Variants in ASPH observed in about 807,000 individuals in gnomAD.
The protein encoded by ASPH is aspartate beta-hydroxylase.
In ASPH, 100 loss-of-function variants were observed where a neutral mutation model predicts 118.4. That is an observed-to-expected ratio of 0.84 (90% CI 0.72 to 1.00). The LOEUF (loss-of-function observed/expected upper bound fraction) is 1.00, where lower values mean the gene tolerates loss of function less well. Ranked by LOEUF, ASPH falls within the 50% of genes least tolerant of loss-of-function variation. The pLI, the probability that ASPH is intolerant of heterozygous loss-of-function variation, is 0.00. For synonymous variants in ASPH, 315 were observed against 325.6 expected (o/e 0.97, Z 0.35); for missense variants, 920 against 919.5 (o/e 1.00, Z -0.01).
intron 14 of ASPH, among the ~76,000 whole-genome samples, chr8:61,595,840 T>C (rs1041117569): frequency 1.3e-5 from 2 of 152,046 alleles, no homozygotes; most frequent in Non-Finnish European, 2.9e-5. Flanking sequence ...TTTACTGCCA[T>C]AGCTGTTGGC....
chr8:61,667,710 T>C (rs1820406154), intron 3 of ASPH, among the ~76,000 whole-genome samples: 1 of 152,234 alleles, frequency 6.6e-6, no homozygotes, highest in Non-Finnish European at 1.5e-5. Flanking sequence ...AAATTCTATG[T>C]CAATGTAATG....
intron 5 of ASPH, 101 bp downstream of exon 5, chr8:61,650,949 A>C (rs1190973333): frequency 2.1e-5 from 25 of 1,203,214 alleles, no homozygotes; most frequent in Non-Finnish European, 2.7e-5. Flanking sequence ...AAACACAAAC[A>C]CCCAATTAAC....
intron 6 of ASPH, among the ~76,000 whole-genome samples, chr8:61,645,494 T>C (rs927476983): frequency 1.3e-5 from 2 of 152,186 alleles, no homozygotes; most frequent in African/African-American, 4.8e-5. Context: ...AATGTGGAAA[T>C]CATTTTATCA....
intron 3 of ASPH, chr8:61,661,157 T>G (rs77164110): frequency 3.5e-4 from 54 of 152,322 alleles, no homozygotes; most frequent in African/African-American, 1.3e-3. Flanking sequence ...ATAGAATAAA[T>G]CAGGCTCCAC....
intron 14 of ASPH, among the ~76,000 whole-genome samples, chr8:61,594,119 G>A (rs1008638892): frequency 6.6e-6 from 1 of 152,036 alleles, no homozygotes; most frequent in Non-Finnish European, 1.5e-5. Context: ...AGACATAAAT[G>A]GTGCCAAACA....
intron 21 of ASPH, among the ~76,000 whole-genome samples, chr8:61,532,246 T>C (rs1817859080): frequency 6.6e-6 from 1 of 152,184 alleles, no homozygotes; most frequent in Admixed American, 6.5e-5. Flanking sequence ...TGAGGTGATA[T>C]CTCACTGTCC....
At chr8:61,545,012 G>A (rs1173050604) in intron 21 of ASPH, among the ~76,000 whole-genome samples, 1 of 152,142 alleles carries the variant, frequency 6.6e-6, no homozygotes, top group Non-Finnish European at 1.5e-5. Context: ...GCTACCGTAT[G>A]GGAAGGTCTG....
intron 3 of ASPH, chr8:61,661,954 T>TAA: frequency 2.1e-5 from 9 of 423,746 alleles, no homozygotes; most frequent in South Asian, 1.2e-4. Context: ...AAGACTTGTT[T>TAA]AAAAAAAAAA....
intron 13 of ASPH, chr8:61,624,808 A>G (rs1334249262): frequency 1.0e-6 from 1 of 985,574 alleles, no homozygotes; most frequent in Non-Finnish European, 1.2e-6. Flanking sequence ...GGCTTTATAA[A>G]AAGTAGCTTC....
At chr8:61,669,513 T>G (rs1344661680) in intron 3 of ASPH, among the ~76,000 whole-genome samples, 1 of 152,226 alleles carries the variant, frequency 6.6e-6, no homozygotes, top group Admixed American at 6.5e-5. Context: ...AAAACTTGAT[T>G]CTTTCCTAAC....
At chr8:61,663,825 C>T (rs960150098) in intron 3 of ASPH, 10 of 981,306 alleles carry the variant, frequency 1.0e-5, no homozygotes, top group African/African-American at 8.8e-5. Context: ...AACTAAATGT[C>T]GTAAAGTATT....
intron 13 of ASPH, 197 bp downstream of exon 13, chr8:61,633,486 A>G (rs892421596): frequency 7.3e-6 from 3 of 409,136 alleles, no homozygotes; most frequent in Non-Finnish European, 1.3e-5. Flanking sequence ...CTCAGCAGAT[A>G]TGTACTGCAC....
At chr8:61,524,509 A>T (rs1814476567) in intron 22 of ASPH, among the ~76,000 whole-genome samples, 2 of 152,218 alleles carry the variant, frequency 1.3e-5, no homozygotes, top group South Asian at 4.1e-4. Flanking sequence ...CATGTAAGAA[A>T]GAGAAAGAAA....
chr8:61,567,695 G>A (rs1443038065), intron 16 of ASPH, among the ~76,000 whole-genome samples: 1 of 152,134 alleles, frequency 6.6e-6, no homozygotes, highest in Non-Finnish European at 1.5e-5. Context: ...TGTTTTCTGG[G>A]AAAGAGGCAC....
intron 1 of ASPH, among the ~76,000 whole-genome samples, chr8:61,712,752 A>G (rs989450980): frequency 4.6e-5 from 7 of 152,238 alleles, no homozygotes; most frequent in African/African-American, 1.4e-4. Context: ...ATTTCCCAGT[A>G]TTAGTTCTCA....
At chr8:61,625,955 G>A (rs1852605765) in intron 13 of ASPH, 37 of 1,124,504 alleles carry the variant, frequency 3.3e-5, no homozygotes, top group East Asian at 4.7e-5. Flanking sequence ...AACCACTGTC[G>A]GAAAAACACA....
At chr8:61,637,358 C>T (rs1489903489) in intron 12 of ASPH, among the ~76,000 whole-genome samples, 1 of 151,642 alleles carries the variant, frequency 6.6e-6, no homozygotes, top group Non-Finnish European at 1.5e-5. Flanking sequence ...ACAAAGATCT[C>T]CACGCTCCCT....
rs1299353224 is a variant in ASPH, at chr8:61,637,951, T to C, written c.885A>G (p.Val295=). 1 of 1,608,190 alleles carries C rather than the reference T, an allele frequency of 6.2e-7. No homozygotes were observed. Among genetic ancestry groups the C allele is most frequent in the South Asian group, 1.1e-5 (1 of 89,682 alleles). ...ACTTCCATAAATTTATCTTACCTTCTACAATTACCTGTGAATCTTCTACAG... is the reference window on the plus strand; with the variant it reads ...ACTTCCATAAATTTATCTTACCTTCCACAATTACCTGTGAATCTTCTACAG... The part of the protein sequence containing the change: ...DNPVEDSQVI[V]EEVSIFPVEE... The change falls in exon 12 of 25, where the codon GTA becomes GTG. Residue 295 remains valine, a synonymous_variant. Coordinates refer to ENST00000379454, the MANE Select transcript of ASPH (RefSeq NM_004318.4).
chr8:61,698,740 T>C (rs1429541019), intron 1 of ASPH, among the ~76,000 whole-genome samples: 1 of 152,144 alleles, frequency 6.6e-6, no homozygotes, highest in Non-Finnish European at 1.5e-5. Flanking sequence ...CGAAAGACAC[T>C]CTTAAGACTC....
Sources: gnomAD v4.1 joint callset for allele counts (sites outside exome capture counted in the v4.1 genomes callset) on GRCh38, gnomAD v4.1.1 for gene constraint, MANE v1.5 for transcripts, NCBI Gene and HGNC (gene_info 2026-07-23, HGNC 2026-07-21) for gene names.